Variants in TM6SF2 observed in about 807,000 individuals in gnomAD.
TM6SF2 encodes the protein transmembrane 6 superfamily member 2.
Under a neutral mutation model 41.0 loss-of-function variants are expected in TM6SF2, and 29 were observed. That is an observed-to-expected ratio of 0.71 (90% CI 0.53 to 0.96). TM6SF2 has a LOEUF of 0.96. Ranked by LOEUF, TM6SF2 falls within the 50% of genes least tolerant of loss-of-function variation. The pLI is 0.00. For synonymous variants in TM6SF2, 200 were observed against 209.1 expected, an observed-to-expected ratio of 0.96 and a Z score of 0.37; for missense variants, 475 against 499.0, an observed-to-expected ratio of 0.95 and a Z score of 0.46.
Position 19,264,819 on chromosome 19 carries a change from G to A in TM6SF2, c.979C>T (p.Arg327Cys), listed in dbSNP as rs756458112. The change falls in exon 10 of 10, where the codon CGT (arginine) becomes TGT (cysteine). Residue 327 changes from arginine to cysteine, a missense_variant. Around this residue, in one of 3 missense-constraint regions of TM6SF2, gnomAD observed 190 missense variants for 190.2 expected, o/e 1.00. Coordinates refer to ENST00000389363, the MANE Select transcript of TM6SF2 (RefSeq NM_001001524.3). ...SMHLRTPFTY[R>C]VPEDTWGCFF... Reference sequence around the variant, plus strand: ...CAGCCCCAGGTGTCCTCAGGCACACGGTAGGTGAAGGGTGTGCGCAGGTGC... The same window carrying A: ...CAGCCCCAGGTGTCCTCAGGCACACAGTAGGTGAAGGGTGTGCGCAGGTGC... 11 of 1,607,320 alleles carry A rather than the reference G, an allele frequency of 6.8e-6. No homozygotes were observed. The highest frequency in any genetic ancestry group is 2.3e-5 in the East Asian group (1 of 44,196).
At chr19:19,270,546 T>A in intron 2 of TM6SF2, 104 bp from the exon 3 acceptor site, 1 of 1,402,126 alleles carries the variant, frequency 7.1e-7, no homozygotes, top group Non-Finnish European at 9.6e-7. Context: ...GGGATGAGAT[T>A]ATTCCAGGCA....
chr19:19,267,144 G>A (rs1224440486), intron 8 of TM6SF2, among the ~76,000 whole-genome samples: 1 of 152,106 alleles, frequency 6.6e-6, no homozygotes, highest in African/African-American at 2.4e-5. Flanking sequence ...CGAGGTGGGT[G>A]GATCACTTGA....
In TM6SF2 at chr19:19,266,627, G is replaced by A. The variant is rs1033502472; in HGVS notation, c.805-18C>T. ...ATCAGCATCTGCAGGGGCGGGAGGA[G>A]AGGGGCACCAGCCTGTGAGATGAGC... On this transcript the variant is annotated intron_variant, in intron 8 of 9. Coordinates refer to ENST00000389363, the MANE Select transcript of TM6SF2 (RefSeq NM_001001524.3). The A allele has an allele frequency of 6.2e-7, 1 of 1,605,050 alleles. No individual in the cohort carries two copies. The highest frequency in any genetic ancestry group is 8.5e-7 in the Non-Finnish European group (1 of 1,175,556).
Position 19,267,990 on chromosome 19 carries a change from C to G in TM6SF2, c.707G>C (p.Gly236Ala). 1.2e-6 allele frequency: 2 copies of G among 1,603,540 alleles called. No individual in the cohort carries two copies. Among genetic ancestry groups the G allele is most frequent in the South Asian group, 2.2e-5 (2 of 90,504 alleles). ...GACCAACCAGCGCAGACTCACCAGG[C>G]CCCGGAACAGAGTGAAGAAGCCAGC... is the stretch of plus-strand genomic sequence containing the variant. Reference protein sequence around the residue: ...ILAGFFTLFRGLVVLDCPTDA... With the variant: ...ILAGFFTLFRALVVLDCPTDA... The change falls in exon 7 of 10, where the codon GGC (glycine) becomes GCC (alanine). Residue 236 changes from glycine (G) to alanine (A), a missense_variant. Around this residue, in one of 3 missense-constraint regions of TM6SF2, gnomAD observed 190 missense variants for 190.2 expected, o/e 1.00. Transcript: ENST00000389363.
chr19:19,272,072 C>T (rs563377594), intron 1 of TM6SF2, among the ~76,000 whole-genome samples: 8 of 152,160 alleles, frequency 5.3e-5, no homozygotes, highest in Admixed American at 3.3e-4. Flanking sequence ...CCTGATAAGA[C>T]AGGTCAACCA....
intron 1 of TM6SF2, 40 bp downstream of exon 1, chr19:19,273,081 C>CCCCCCTCCCCCA: frequency 1.0e-6 from 1 of 962,320 alleles, no homozygotes; most frequent in South Asian, 1.7e-5. Flanking sequence ...CGCCCGCCCC[C>CCCCCCTCCCCCA]ACTGTCCCCA....
chr19:19,265,074 T>C (rs10426780), intron 9 of TM6SF2, among the ~76,000 whole-genome samples: 59,167 of 144,272 alleles, frequency 0.41, 13,440 homozygotes, highest in African/African-American at 0.61. Context: ...CACAGTCTCA[T>C]TCTGTTGCCC....
At chr19:19,266,394 C>A in intron 9 of TM6SF2, 96 bp downstream of exon 9, 1 of 1,535,178 alleles carries the variant, frequency 6.5e-7, no homozygotes, top group Non-Finnish European at 8.8e-7. Flanking sequence ...CTTGGGGGCT[C>A]ATCATTACAG....
rs780617841 is a variant in TM6SF2 at position 19,270,403 on chromosome 19, A to G, written c.239T>C (p.Ile80Thr). ...ATAGCTGTCTTCCTGAAGAGCGATG[A>G]TGAGGTCCACAACCGAGGTGAAGGC... The part of the protein sequence containing the change: ...VFAFTSVVDL[I>T]IALQEDSYVV... The change falls in exon 3 of 10, where the codon ATC (isoleucine) becomes ACC (threonine). Residue 80 changes from isoleucine (I) to threonine (T), a missense_variant. Physicochemically the swap from Ile to Thr is moderately conservative, Grantham distance 89. Around this residue, in one of 3 missense-constraint regions of TM6SF2, gnomAD observed 238 missense variants for 228.6 expected, o/e 1.04. Transcript: ENST00000389363. The G allele has an allele frequency of 1.2e-6, 2 of 1,613,766 alleles. No homozygotes were observed. Among genetic ancestry groups the G allele is most frequent in the South Asian group, 2.2e-5 (2 of 91,078 alleles).
At chr19:19,272,728 T>TGTGTGTGTGAGA (rs1555786937) in intron 1 of TM6SF2, among the ~76,000 whole-genome samples, 23 of 149,720 alleles carry the variant, frequency 1.5e-4, no homozygotes, top group African/African-American at 5.5e-4. Context: ...TGTGTGTGTG[T>TGTGTGTGTGAGA]GAGCAGGAGT....
intron 9 of TM6SF2, 37 bp from the exon 10 acceptor site, chr19:19,264,910 A>G (rs1347648549): frequency 1.7e-5 from 24 of 1,452,450 alleles, no homozygotes; most frequent in Non-Finnish European, 2.1e-5. Context: ...GTCAGGGGCC[A>G]GGAAGGAACT....
At chr19:19,271,952 G>A (rs532961952) in intron 1 of TM6SF2, among the ~76,000 whole-genome samples, 1 of 152,142 alleles carries the variant, frequency 6.6e-6, no homozygotes, top group African/African-American at 2.4e-5. Context: ...ACAGGGTCTC[G>A]AGTGCTCAGT....
chr19:19,268,532 A>G (rs2061011695), intron 6 of TM6SF2, 98 bp downstream of exon 6: 1 of 1,459,062 alleles, frequency 6.9e-7, no homozygotes, highest in Non-Finnish European at 9.0e-7. Flanking sequence ...GTGACAAAGG[A>G]GAACCTTCCA....
intron 9 of TM6SF2, 84 bp from the exon 10 acceptor site, chr19:19,264,957 C>A (rs1381046751): frequency 4.5e-5 from 47 of 1,039,294 alleles, no homozygotes; most frequent in Non-Finnish European, 6.0e-5. Context: ...CCAGGTAGGT[C>A]AGGCAGAACC....
chr19:19,267,366 TTAA>T lies in TM6SF2; in HGVS notation c.804+252_804+254del, dbSNP rs2061006512. 4.8e-5 allele frequency among the ~76,000 whole-genome samples: 5 copies of T among 105,110 alleles called. No individual in the cohort carries two copies. In the South Asian group the frequency reaches 1.6e-3, roughly 34 times the overall value. The allele number at this position is 105,110 out of a possible 152,430, so 69.0% of individuals were successfully genotyped here. A position where few individuals can be genotyped will look rare whatever the true frequency, so the allele number is the denominator to read the frequency against. On this transcript the variant is annotated intron_variant, in intron 8 of 9. Coordinates refer to ENST00000389363, the MANE Select transcript of TM6SF2 (RefSeq NM_001001524.3). ...CTGGGCCACAAGAGCAAAACTCTGT[TTAA>T]AAAAAAAAAAAAAAAAGAAAAAGAA...
Position 19,266,605 on chromosome 19 carries a change from A to G in TM6SF2, c.809T>C (p.Leu270Pro), listed in dbSNP as rs1161035211. The G allele has an allele frequency of 6.2e-7, 1 of 1,613,016 alleles. No homozygotes were observed. Among genetic ancestry groups the G allele is most frequent in the Non-Finnish European group, 8.5e-7 (1 of 1,179,352 alleles). Residue 270 changes from leucine (L) to proline (P), a missense_variant, in exon 9 of 10, where the codon CTG becomes CCG. Coordinates refer to ENST00000389363, the MANE Select transcript of TM6SF2 (RefSeq NM_001001524.3). ...AGGCAGGACATAAAACATGTACATC[A>G]GCATCTGCAGGGGCGGGAGGAGAGG... ...DPVAYPKVQM[L>P]MYMFYVLPFC...
chr19:19,264,643 G>A lies in TM6SF2; in HGVS notation c.*21C>T. On this transcript the variant is annotated 3_prime_UTR_variant, in exon 10 of 10. Coordinates refer to ENST00000389363, the MANE Select transcript of TM6SF2 (RefSeq NM_001001524.3). ...GACTGGGCACGTAAACAGAGTCCTGGGTCCTGAGTCCACAGCTCTCTCAAT... is the reference window on the plus strand; with the variant it reads ...GACTGGGCACGTAAACAGAGTCCTGAGTCCTGAGTCCACAGCTCTCTCAAT... 9.7e-6 allele frequency: 14 copies of A among 1,441,354 alleles called. No homozygotes were observed. The highest frequency in any genetic ancestry group is 1.2e-5 in the Non-Finnish European group (13 of 1,090,928). The allele number at this position is 1,441,354 out of a possible 1,614,324, so 89.3% of individuals were successfully genotyped here. A position where few individuals can be genotyped will look rare whatever the true frequency, so the allele number is the denominator to read the frequency against.
chr19:19,268,209 T>A (rs200475076), intron 6 of TM6SF2, 122 bp from the exon 7 acceptor site: 2 of 154,824 alleles, frequency 1.3e-5, no homozygotes, highest in Non-Finnish European at 2.6e-5. Context: ...TTCTTTTTTC[T>A]TTTTTTTTTT....
At chr19:19,269,592 C>G (rs2061015472) in intron 5 of TM6SF2, 95 bp downstream of exon 5, 1 of 1,472,082 alleles carries the variant, frequency 6.8e-7, no homozygotes, top group African/African-American at 1.4e-5. Context: ...CTGCAGACAT[C>G]AGGGAAGGGA....
Sources: gnomAD v4.1 joint callset for allele counts (sites outside exome capture counted in the v4.1 genomes callset) on GRCh38, gnomAD v4.1.1 for gene constraint, gnomAD v4.1.1 regional missense constraint, MANE v1.5 for transcripts, NCBI Gene and HGNC (gene_info 2026-07-23, HGNC 2026-07-21) for gene names.